PRKN: variants seen among roughly 807,000 people sequenced by gnomAD.
The protein encoded by PRKN is parkin RBR E3 ubiquitin protein ligase, also known as E3 ubiquitin-protein ligase parkin.
Under a neutral mutation model 59.5 loss-of-function variants are expected in PRKN, and 56 were observed. The ratio of observed to expected loss-of-function variants is 0.94; its 90% CI spans 0.76 to 1.18. The LOEUF is 1.18. Among genes scored for constraint, PRKN ranks in the 50% most tolerant of loss-of-function variants. The pLI is 0.00. For missense variants in PRKN, 657 were observed against 596.4 expected (o/e 1.10, Z -1.06); for synonymous variants, 250 against 222.1 (o/e 1.13, Z -1.12).
rs1395746267 is a variant in PRKN at position 161,874,026 on chromosome 6, T to A, written c.735-88118A>T. Among the ~76,000 whole-genome samples, 62 of 14,022 alleles carry A rather than the reference T, an allele frequency of 4.4e-3. 3 individuals are homozygous for A. Among genetic ancestry groups the A allele is most frequent in the African/African-American group, 0.016 (61 of 3,916 alleles). 9.2% of individuals were successfully genotyped at this position (14,022 alleles called of 152,430 possible). A position where few individuals can be genotyped will look rare whatever the true frequency, so the allele number is the denominator to read the frequency against. ...TATAAAATATATATTATATGTAAAATATATATAAAATATATATTATATGTA... is the reference window on the plus strand; with the variant it reads ...TATAAAATATATATTATATGTAAAAAATATATAAAATATATATTATATGTA... On this transcript the variant is annotated intron_variant, in intron 6 of 11. Coordinates refer to ENST00000366898, the MANE Select transcript of PRKN (RefSeq NM_004562.3).
At chr6:161,951,247 AATTAG>A (rs1230049431) in intron 6 of PRKN, among the ~76,000 whole-genome samples, 10 of 152,154 alleles carry the variant, frequency 6.6e-5, no homozygotes. Context: ...AGTCTGCCTT[AATTAG>A]ATGCTAAAAA....
chr6:162,387,553 C>CAGAG (rs1204741690), intron 2 of PRKN, among the ~76,000 whole-genome samples: 292 of 80,180 alleles, frequency 3.6e-3, no homozygotes, highest in Admixed American at 5.1e-3. Context: ...CACACACACA[C>CAGAG]ACAGAGAGAG....
At chr6:162,294,067 C>G (rs978380661) in intron 2 of PRKN, among the ~76,000 whole-genome samples, 1 of 151,828 alleles carries the variant, frequency 6.6e-6, no homozygotes, top group Non-Finnish European at 1.5e-5. Flanking sequence ...TTTAGGGCAG[C>G]AGGAGAGATC....
At position 161,377,639 on chromosome 6, in the gene PRKN, A is replaced by T. The variant is rs1262828611; in HGVS notation, c.1167+9155T>A. Among the ~76,000 whole-genome samples, 1 of 152,140 alleles carries T rather than the reference A, an allele frequency of 6.6e-6. No individual in the cohort carries two copies. The highest frequency in any genetic ancestry group is 1.5e-5 in the Non-Finnish European group (1 of 68,022). ...CCCCAGATTCCTATGTCGAAACCTA[A>T]TCACCAAGGCGGTGGGATTAGGAGG... is the stretch of plus-strand genomic sequence containing the variant. On this transcript the variant is annotated intron_variant, in intron 10 of 11. Coordinates refer to ENST00000366898, the MANE Select transcript of PRKN (RefSeq NM_004562.3). The surrounding 1 kb of genome is among the most constrained non-coding windows in gnomAD (Gnocchi z 4.2).
intron 9 of PRKN, among the ~76,000 whole-genome samples, chr6:161,500,536 T>C (rs184735940): frequency 9.8e-5 from 15 of 152,322 alleles, no homozygotes; most frequent in African/African-American, 3.4e-4. Flanking sequence ...TAGAATATCA[T>C]ATAGCTGAAA....
chr6:162,272,949 T>G (rs141892314), intron 2 of PRKN, among the ~76,000 whole-genome samples: 8,662 of 135,972 alleles, frequency 0.064, 405 homozygotes, highest in African/African-American at 0.14. Context: ...GCAGTGAGCC[T>G]AGATCGGGCC....
rs6929519 is a variant in PRKN at position 161,582,457 on chromosome 6, C to T, written c.872-13041G>A. Among the ~76,000 whole-genome samples the T allele has an allele frequency of 0.085, 12,855 of 151,062 alleles. 1,865 individuals carry two copies. The highest frequency in any genetic ancestry group is 0.3 in the African/African-American group (12,137 of 40,952). On this transcript the variant is annotated intron_variant, in intron 7 of 11. Coordinates refer to ENST00000366898, the MANE Select transcript of PRKN (RefSeq NM_004562.3). This position sits in a 1 kb window ranked among gnomAD's most constrained non-coding sequence, Gnocchi z 4.4. ...TATTATTATTTTTGAGACAGAGTCT[C>T]GCTCTGTCGCCTAGGCTGGAGTGCA...
At chr6:162,508,452 A>G (rs1793700523) in intron 1 of PRKN, among the ~76,000 whole-genome samples, 1 of 152,220 alleles carries the variant, frequency 6.6e-6, no homozygotes, top group Non-Finnish European at 1.5e-5. Flanking sequence ...GTAGTGTCCC[A>G]TTATCATAAG....
chr6:161,648,855 G>A (rs1784052272), intron 7 of PRKN, among the ~76,000 whole-genome samples: 1 of 152,136 alleles, frequency 6.6e-6, no homozygotes, highest in Non-Finnish European at 1.5e-5. Flanking sequence ...CATGAACTTG[G>A]AAAATCCTCC....
intron 1 of PRKN, among the ~76,000 whole-genome samples, chr6:162,468,198 A>G (rs546921928): frequency 3.8e-4 from 58 of 152,332 alleles, no homozygotes; most frequent in African/African-American, 1.3e-3. Flanking sequence ...AACCGAATCA[A>G]TAAATAGAAC....
intron 6 of PRKN, among the ~76,000 whole-genome samples, chr6:161,827,509 C>CTTTTT (rs5881438): frequency 8.0e-6 from 1 of 124,918 alleles, no homozygotes; most frequent in African/African-American, 3.1e-5. Context: ...ATTGATTTTA[C>CTTTTT]TTTTTTTTTT....
intron 1 of PRKN, among the ~76,000 whole-genome samples, chr6:162,542,712 A>G (rs1778971707): frequency 6.6e-6 from 1 of 152,170 alleles, no homozygotes; most frequent in Non-Finnish European, 1.5e-5. Context: ...AGTGCAATGC[A>G]TGGGGCATAT....
chr6:161,733,781 AAAATATATATATATATGTATATAT>A (rs1432650556), intron 7 of PRKN, among the ~76,000 whole-genome samples: 1 of 74,066 alleles, frequency 1.4e-5, no homozygotes, highest in South Asian at 3.9e-4. Flanking sequence ...AAAAAAAAAA[AAAATATATATATATATGTATATAT>A]ATATATATAT....
chr6:161,898,632 T>C (rs1396961448), intron 6 of PRKN, among the ~76,000 whole-genome samples: 1 of 152,140 alleles, frequency 6.6e-6, no homozygotes, highest in Non-Finnish European at 1.5e-5. Context: ...TTGCTGACAG[T>C]GGAATGTCAT....
chr6:161,820,040 C>G (rs890555046), intron 6 of PRKN, among the ~76,000 whole-genome samples: 1 of 152,116 alleles, frequency 6.6e-6, no homozygotes, highest in Non-Finnish European at 1.5e-5. Context: ...ATGCTATTAT[C>G]AAGCCACAGA....
In PRKN at chr6:161,458,726, A is replaced by G. The variant is rs553126290; in HGVS notation, c.1084-71849T>C. Among the ~76,000 whole-genome samples, 2 of 152,192 alleles carry G rather than the reference A, an allele frequency of 1.3e-5. No individual in the cohort carries two copies. The highest frequency in any genetic ancestry group is 3.8e-4 in the East Asian group (2 of 5,198). On this transcript the variant is annotated intron_variant, in intron 9 of 11. Transcript: ENST00000366898. The surrounding 1 kb of genome is among the most constrained non-coding windows in gnomAD (Gnocchi z 6.1). ...TTATTAGCTTCGTGCTCACCATGAC[A>G]GTAACTCCATGTCTGTGGAATTCTG... is the stretch of plus-strand genomic sequence containing the variant.
chr6:162,435,962 T>C (rs1010042069), intron 2 of PRKN, among the ~76,000 whole-genome samples: 1 of 152,000 alleles, frequency 6.6e-6, no homozygotes, highest in Non-Finnish European at 1.5e-5. Context: ...GTGCTCTAAA[T>C]TGATACTAGC....
chr6:162,211,952 T>G (rs1014222051), intron 3 of PRKN, among the ~76,000 whole-genome samples: 1 of 152,194 alleles, frequency 6.6e-6, no homozygotes, highest in African/African-American at 2.4e-5. Flanking sequence ...GGTGATGTCA[T>G]CATGCTGGGG....
intron 1 of PRKN, among the ~76,000 whole-genome samples, chr6:162,563,166 T>C (rs1283474699): frequency 6.6e-6 from 1 of 151,754 alleles, no homozygotes; most frequent in Non-Finnish European, 1.5e-5. Flanking sequence ...TAGCCAGACG[T>C]AGTGGTGGGC....
Sources: allele counts gnomAD v4.1 joint callset (sites outside exome capture counted in the v4.1 genomes callset), GRCh38; gene constraint gnomAD v4.1.1; non-coding constraint Gnocchi (gnomAD v3.1); transcripts MANE v1.5; gene names NCBI Gene and HGNC (gene_info 2026-07-23, HGNC 2026-07-21).